CFAP418: variants seen among roughly 807,000 people sequenced by gnomAD.
The protein encoded by CFAP418 is cilia and flagella associated protein 418, also known as cilia- and flagella-associated protein 418.
A neutral mutation model predicts 24.7 loss-of-function variants in CFAP418; 27 were observed. The observed-to-expected ratio is 1.09, with a 90% CI of 0.81 to 1.51. The LOEUF is 1.51. CFAP418 is among the 40% of genes most tolerant of loss of function. The pLI, the probability that CFAP418 is intolerant of heterozygous loss-of-function variation, is 0.00. For synonymous variants in CFAP418, 74 were observed against 87.3 expected (o/e 0.85, Z 0.85); for missense variants, 257 against 255.2 (o/e 1.01, Z -0.05).
intron 2 of CFAP418, among the ~76,000 whole-genome samples, chr8:95,262,207 G>A (rs1428178398): frequency 6.6e-6 from 1 of 152,160 alleles, no homozygotes; most frequent in East Asian, 1.9e-4. Flanking sequence ...GTATATGTGG[G>A]GGTCCTGGAA....
chr8:95,255,563 T>C (rs1811774513), intron 4 of CFAP418, among the ~76,000 whole-genome samples: 1 of 152,260 alleles, frequency 6.6e-6, no homozygotes, highest in South Asian at 2.1e-4. Flanking sequence ...AAATAAATAC[T>C]TATTTGTGGA....
chr8:95,249,471 T>G (rs921085420), intron 5 of CFAP418, among the ~76,000 whole-genome samples: 3 of 152,130 alleles, frequency 2.0e-5, no homozygotes, highest in Non-Finnish European at 4.4e-5. Context: ...GAGACCAGCA[T>G]GGGCAACATG....
intron 4 of CFAP418, among the ~76,000 whole-genome samples, chr8:95,256,062 A>G (rs755839739): frequency 6.6e-6 from 1 of 152,262 alleles, no homozygotes; most frequent in Middle Eastern, 3.2e-3. Context: ...AGTATGTGAT[A>G]GGAGCCTCGA....
chr8:95,269,019 C>T lies in CFAP418; in HGVS notation c.155+16G>A. The T allele has an allele frequency of 6.2e-7, 1 of 1,613,250 alleles. No individual in the cohort carries two copies. The highest frequency in any genetic ancestry group is 8.5e-7 in the Non-Finnish European group (1 of 1,179,440). ...AGGGCTTTACCAGAACAGTCCACCCCTCCCGCCCGGTTAACCTGAGCGTCT... is the reference window on the plus strand; with the variant it reads ...AGGGCTTTACCAGAACAGTCCACCCTTCCCGCCCGGTTAACCTGAGCGTCT... On this transcript the variant is annotated intron_variant, in intron 1 of 5. Coordinates refer to ENST00000286688, the MANE Select transcript of CFAP418 (RefSeq NM_177965.4).
At chr8:95,264,479 T>C (rs527623196) in intron 1 of CFAP418, among the ~76,000 whole-genome samples, 1 of 152,308 alleles carries the variant, frequency 6.6e-6, no homozygotes, top group South Asian at 2.1e-4. Context: ...CCCAGTTTTA[T>C]AGATGAAGAA....
chr8:95,259,989 G>T (rs917320723), intron 3 of CFAP418, 84 bp from the exon 4 acceptor site: 1 of 1,117,896 alleles, frequency 8.9e-7, no homozygotes, highest in South Asian at 1.5e-5. Context: ...AAAAATTTTT[G>T]GTTTTATTGA....
chr8:95,265,100 A>G (rs1057235217), intron 1 of CFAP418, among the ~76,000 whole-genome samples: 5 of 152,100 alleles, frequency 3.3e-5, no homozygotes, highest in African/African-American at 1.2e-4. Context: ...AATTATGGAC[A>G]TTTTGGGTCA....
intron 2 of CFAP418, 26 bp downstream of exon 2, chr8:95,263,661 C>G (rs1371487895): frequency 4.3e-6 from 6 of 1,381,106 alleles, no homozygotes; most frequent in African/African-American, 2.9e-5. Flanking sequence ...GACAGAATTA[C>G]TACATATTTA....
chr8:95,263,667 A>G lies in CFAP418; in HGVS notation c.243+20T>C, dbSNP rs10107484. ...TGAAATAATGACAGAATTACTACAT[A>G]TTTATAACACTTGACTTACAGAGGG... On this transcript the variant is annotated intron_variant, in intron 2 of 5. Coordinates refer to ENST00000286688, the MANE Select transcript of CFAP418 (RefSeq NM_177965.4). The G allele has an allele frequency of 1.3e-3, 1,833 of 1,463,236 alleles. 25 individuals are homozygous for G. In the African/African-American group the frequency reaches 0.023, roughly 18 times the overall value. 90.6% of individuals were successfully genotyped at this position (1,463,236 alleles called of 1,614,324 possible).
intron 4 of CFAP418, among the ~76,000 whole-genome samples, chr8:95,253,763 T>A (rs550225379): frequency 6.6e-6 from 1 of 152,370 alleles, no homozygotes; most frequent in South Asian, 2.1e-4. Context: ...AGACTTCGAA[T>A]GTACAAGTCA....
rs1345956989 is a variant in CFAP418, at chr8:95,246,410, G to T, written c.*1207C>A. The T allele has an allele frequency of 2.0e-5, 3 of 152,234 alleles. No individual in the cohort carries two copies. Among genetic ancestry groups the T allele is most frequent in the Non-Finnish European group, 4.4e-5 (3 of 68,042 alleles). The allele number at this position is 152,234 out of a possible 1,614,324, so 9.4% of individuals were successfully genotyped here. ...GTAAATGTGTCATGGCTAGGAAAAG[G>T]ATTCTAATGATCAGATCTTCCTCCC... On this transcript the variant is annotated 3_prime_UTR_variant, in exon 6 of 6. Coordinates refer to ENST00000286688, the MANE Select transcript of CFAP418 (RefSeq NM_177965.4).
rs36096184 is a variant in CFAP418, at chr8:95,269,135, G to C, written c.55C>G (p.Pro19Ala). Residue 19 changes from proline to alanine, a missense_variant, in exon 1 of 6, where the codon CCT becomes GCT. Transcript: ENST00000286688. ...LDEVESKFCT[P>A]DLLRRGMVEQ... ...ACCATACCCCGTCTTAGAAGGTCAG[G>C]TGTGCAAAACTTGGACTCGACTTCA... The C allele has an allele frequency of 0.02, 32,614 of 1,614,192 alleles. 464 individuals carry two copies. The highest frequency in any genetic ancestry group is 0.052 in the African/African-American group (3,919 of 75,048).
In CFAP418 at chr8:95,250,420, G is replaced by A. The variant is rs1210102550; in HGVS notation, c.470+1768C>T. 2.6e-5 allele frequency among the ~76,000 whole-genome samples: 4 copies of A among 152,312 alleles called. No individual in the cohort carries two copies. The East Asian group carries it at 7.7e-4, about 29-fold the overall frequency. ...CAACTGGTGTTCTTGATAACTCTGA[G>A]ATGCTGCAAGTTCCTCAAGTACCGA... On this transcript the variant is annotated intron_variant, in intron 5 of 5. Coordinates refer to ENST00000286688, the MANE Select transcript of CFAP418 (RefSeq NM_177965.4).
chr8:95,261,183 G>T (rs1342099013), intron 2 of CFAP418, among the ~76,000 whole-genome samples: 1 of 152,156 alleles, frequency 6.6e-6, no homozygotes, highest in Non-Finnish European at 1.5e-5. Flanking sequence ...GCCAAGGAGA[G>T]GAAGTGAGAT....
chr8:95,268,952 T>C, intron 1 of CFAP418, 83 bp downstream of exon 1: 2 of 1,477,636 alleles, frequency 1.4e-6, no homozygotes, highest in Non-Finnish European at 1.8e-6. Context: ...GGCACGTTTC[T>C]TTTGGGTTGG....
chr8:95,258,381 C>CAAAAAAAAAAAAAAAAAAAAA (rs61473559), intron 4 of CFAP418, among the ~76,000 whole-genome samples: 2 of 49,650 alleles, frequency 4.0e-5, no homozygotes, highest in Non-Finnish European at 4.0e-5. Context: ...GACTCTGTCT[C>CAAAAAAAAAAAAAAAAAAAAA]AAAAAAAAAA....
rs532350901 is a variant in CFAP418 at position 95,245,572 on chromosome 8, C to G, written c.*2045G>C. 6.6e-6 allele frequency: 1 copy of G among 152,228 alleles called. No homozygotes were observed. The highest frequency in any genetic ancestry group is 2.1e-4 in the South Asian group (1 of 4,816). The allele number at this position is 152,228 out of a possible 1,614,324, so 9.4% of individuals were successfully genotyped here. On this transcript the variant is annotated 3_prime_UTR_variant, in exon 6 of 6. Transcript: ENST00000286688. ...TGGCCAACATGGTGAAACCCTGTCT[C>G]TATTAAAAATACAAAAATTAGCTGG... is the stretch of plus-strand genomic sequence containing the variant.
At chr8:95,253,901 T>C (rs1025383999) in intron 4 of CFAP418, among the ~76,000 whole-genome samples, 1 of 152,248 alleles carries the variant, frequency 6.6e-6, no homozygotes, top group Non-Finnish European at 1.5e-5. Flanking sequence ...GGCTGAATTA[T>C]TGCTGTTGTG....
At chr8:95,258,842 G>A (rs992888768) in intron 4 of CFAP418, among the ~76,000 whole-genome samples, 4 of 152,148 alleles carry the variant, frequency 2.6e-5, no homozygotes, top group South Asian at 2.1e-4. Context: ...TATTCAGTGC[G>A]GTTACATGCT....
Sources: allele counts gnomAD v4.1 joint callset (sites outside exome capture counted in the v4.1 genomes callset), GRCh38; gene constraint gnomAD v4.1.1; transcripts MANE v1.5; gene names NCBI Gene and HGNC (gene_info 2026-07-23, HGNC 2026-07-21).